CNBD2: variants seen among roughly 807,000 people sequenced by gnomAD.
CNBD2 encodes cyclic nucleotide binding domain containing 2.
In CNBD2, 64 loss-of-function variants were observed where a neutral mutation model predicts 63.7. That is an observed-to-expected ratio of 1.00 (90% CI 0.82 to 1.24). The LOEUF is 1.24. Among genes scored for constraint, CNBD2 ranks in the 50% most tolerant of loss-of-function variants. The pLI is 0.00. For missense variants in CNBD2, 691 were observed against 713.5 expected (o/e 0.97, Z 0.36); for synonymous variants, 229 against 255.4 (o/e 0.90, Z 0.99).
intron 10 of CNBD2, among the ~76,000 whole-genome samples, chr20:36,017,780 C>T (rs958155524): frequency 3.9e-5 from 6 of 152,124 alleles, no homozygotes; most frequent in Admixed American, 1.3e-4. Flanking sequence ...CTTCAAGGGG[C>T]GTAATTTCCA....
intron 8 of CNBD2, among the ~76,000 whole-genome samples, chr20:36,008,066 T>C (rs1357316419): frequency 6.6e-6 from 1 of 152,180 alleles, no homozygotes; most frequent in Non-Finnish European, 1.5e-5. Context: ...TCTTAAAGTG[T>C]GTTAATCACC....
chr20:35,967,342 C>T (rs1194872746), upstream of CNBD2, among the ~76,000 whole-genome samples: 3 of 148,282 alleles, frequency 2.0e-5, no homozygotes, highest in Admixed American at 1.4e-4. Context: ...CTCTGCCTCC[C>T]GGGTTCAAGT....
At chr20:35,975,384 T>G (rs1316861212) in intron 2 of CNBD2, among the ~76,000 whole-genome samples, 9 of 112,982 alleles carry the variant, frequency 8.0e-5, no homozygotes, top group Non-Finnish European at 1.7e-4. Flanking sequence ...CACTGCAAGC[T>G]CCGCCTCCCG....
chr20:36,022,627 A>G (rs534621038), intron 10 of CNBD2, among the ~76,000 whole-genome samples: 1 of 150,628 alleles, frequency 6.6e-6, no homozygotes, highest in South Asian at 2.1e-4. Context: ...GAGCCACCAC[A>G]CCTGGCCTAT....
chr20:35,961,968 T>G (rs1378978073), intron 2 of CNBD2, among the ~76,000 whole-genome samples: 1 of 152,124 alleles, frequency 6.6e-6, no homozygotes, highest in Non-Finnish European at 1.5e-5. Context: ...CATCCCAATG[T>G]TCTACTGAAG....
At chr20:35,979,882 AG>A (rs2056573100) in intron 3 of CNBD2, among the ~76,000 whole-genome samples, 1 of 152,234 alleles carries the variant, frequency 6.6e-6, no homozygotes, top group South Asian at 2.1e-4. Flanking sequence ...GTAGGAGATG[AG>A]GCTGGAGAGA....
chr20:35,993,949 A>G (rs1444489378), intron 7 of CNBD2, among the ~76,000 whole-genome samples: 2 of 141,132 alleles, frequency 1.4e-5, no homozygotes, highest in Non-Finnish European at 3.0e-5. Flanking sequence ...ATCTTGGCTC[A>G]TGGCAACCTC....
At chr20:36,005,732 C>T (rs1486606238) in intron 8 of CNBD2, among the ~76,000 whole-genome samples, 5 of 151,906 alleles carry the variant, frequency 3.3e-5, no homozygotes, top group East Asian at 3.9e-4. Context: ...AGACGGATCA[C>T]GAGGTCAGGA....
rs1175699196 is a variant in CNBD2, at chr20:36,030,484, GA to G, written c.1568del (p.Glu523GlyfsTer36). ...LFTPNRPKKR[E>X]IYNPKSVVLD... ...CACTCCAAACCGGCCCAAGAAGAGA[GA>G]GATCTACAACCCTAAGTCTGTGGTC... On this transcript the variant is annotated frameshift_variant, in exon 12 of 12. Transcript: ENST00000373973. LOFTEE classifies it low-confidence loss of function (END_TRUNC). The G allele has an allele frequency of 3.1e-6, 5 of 1,613,872 alleles. No homozygotes were observed. In the Admixed American group the frequency reaches 6.7e-5, roughly 22 times the overall value.
Position 36,008,348 on chromosome 20 carries a change from T to G in CNBD2, c.1022T>G (p.Leu341Arg), listed in dbSNP as rs1185051733. The G allele has an allele frequency of 1.2e-6, 2 of 1,614,042 alleles. No individual in the cohort carries two copies. Among genetic ancestry groups the G allele is most frequent in the Non-Finnish European group, 1.7e-6 (2 of 1,179,976 alleles). Residue 341 changes from leucine to arginine, a missense_variant, in exon 9 of 12, where the codon CTG becomes CGG. Leu to Arg is a moderately radical substitution (Grantham distance 102, BLOSUM62 -2). Transcript: ENST00000373973. ...GAATTCCAGATCAAATCATATCCTC[T>G]GCAAGACTTTAGCTCCTTGAAACTT... ...FKEFQIKSYP[L>R]QDFSSLKLPH...
intron 2 of CNBD2, among the ~76,000 whole-genome samples, chr20:35,960,936 C>T (rs896866337): frequency 2.0e-5 from 3 of 151,210 alleles, no homozygotes; most frequent in Non-Finnish European, 3.0e-5. Context: ...TCGCCACCCC[C>T]CTCCTCCCGC....
intron 8 of CNBD2, among the ~76,000 whole-genome samples, chr20:35,996,774 T>C (rs2056831689): frequency 6.6e-6 from 1 of 152,060 alleles, no homozygotes; most frequent in Non-Finnish European, 1.5e-5. Context: ...TCCCAGAGTG[T>C]TGGGATTACA....
At chr20:35,989,855 AGAT>A (rs1357579686) in intron 7 of CNBD2, among the ~76,000 whole-genome samples, 36 of 128,264 alleles carry the variant, frequency 2.8e-4, no homozygotes, top group African/African-American at 9.5e-4. Context: ...AAAGAAAGAC[AGAT>A]GAGAGAGGGA....
At chr20:36,005,824 G>A (rs1016757178) in intron 8 of CNBD2, among the ~76,000 whole-genome samples, 8 of 151,510 alleles carry the variant, frequency 5.3e-5, no homozygotes, top group South Asian at 2.1e-4. Context: ...GGTGGCGGGC[G>A]CCTGTAGTCC....
At chr20:35,967,406 C>T (rs2056355101), upstream of CNBD2, among the ~76,000 whole-genome samples, 1 of 151,722 alleles carries the variant, frequency 6.6e-6, no homozygotes, top group African/African-American at 2.4e-5. Flanking sequence ...CCCACCACCT[C>T]ACCCGGCTAA....
chr20:36,014,091 G>T (rs1285438097), intron 10 of CNBD2, among the ~76,000 whole-genome samples: 1 of 148,180 alleles, frequency 6.7e-6, no homozygotes. Context: ...GCTGAGGCAG[G>T]AGAATGGCGG....
chr20:35,967,599 T>C (rs932920483), upstream of CNBD2, among the ~76,000 whole-genome samples: 1 of 143,162 alleles, frequency 7.0e-6, no homozygotes, highest in African/African-American at 2.5e-5. Flanking sequence ...ATGCCTGTAA[T>C]CCCGGCACTT....
chr20:35,989,787 A>G (rs2056717659), intron 7 of CNBD2, among the ~76,000 whole-genome samples: 1 of 150,748 alleles, frequency 6.6e-6, no homozygotes, highest in Non-Finnish European at 1.5e-5. Context: ...CAGGAAGATC[A>G]TTTGAGCCCA....
At chr20:35,999,110 C>T (rs2056864684) in intron 8 of CNBD2, among the ~76,000 whole-genome samples, 2 of 152,078 alleles carry the variant, frequency 1.3e-5, no homozygotes. Flanking sequence ...TAAATTCAGC[C>T]ACTTCTTTTG....
Sources: gnomAD v4.1 joint callset for allele counts (sites outside exome capture counted in the v4.1 genomes callset) on GRCh38, gnomAD v4.1.1 for gene constraint, MANE v1.5 for transcripts, NCBI Gene and HGNC (gene_info 2026-07-23, HGNC 2026-07-21) for gene names.